JAK2: variants seen among roughly 807,000 people sequenced by gnomAD.
JAK2 encodes the protein tyrosine-protein kinase JAK2.
JAK2 carries 86 observed loss-of-function variants against 139.3 expected under a neutral mutation model. That is an observed-to-expected ratio of 0.62 (90% CI 0.52 to 0.74). JAK2 has a LOEUF of 0.74. Among genes scored for constraint, JAK2 ranks in the 30% least tolerant of loss-of-function variants. JAK2 has a pLI of 0.00. For synonymous variants in JAK2, 490 were observed against 437.7 expected, an observed-to-expected ratio of 1.12 and a Z score of -1.49; for missense variants, 1,421 against 1,360.3, an observed-to-expected ratio of 1.04 and a Z score of -0.70.
chr9:5,064,954 T>A lies in JAK2; in HGVS notation c.1128T>A (p.Thr376=). The part of the protein sequence containing the change: ...VSLIDGYYRL[T]ADAHHYLCKE... ...TAATTGATGGATATTATAGATTAACTGCAGATGCACATCATTACCTCTGTA... is the reference window on the plus strand; with the variant it reads ...TAATTGATGGATATTATAGATTAACAGCAGATGCACATCATTACCTCTGTA... Residue 376 remains threonine (T), a synonymous_variant, in exon 9 of 25, where the codon ACT becomes ACA. Transcript: ENST00000381652. The A allele has an allele frequency of 1.2e-6, 2 of 1,606,442 alleles. No individual in the cohort carries two copies. The highest frequency in any genetic ancestry group is 8.5e-7 in the Non-Finnish European group (1 of 1,174,780).
intron 5 of JAK2, 125 bp from the exon 6 acceptor site, chr9:5,050,561 G>T (rs999616631): frequency 2.1e-6 from 2 of 961,672 alleles, no homozygotes; most frequent in African/African-American, 3.3e-5. Context: ...ATGAGCCACT[G>T]AGCCTGGCCA....
At position 5,126,577 on chromosome 9, in the gene JAK2, C is replaced by G. The variant is rs985155735; in HGVS notation, c.3292-107C>G. On this transcript the variant is annotated intron_variant, in intron 24 of 24. Transcript: ENST00000381652. ...ACAGCATAATCAGATGACTGTGGAA[C>G]AAGGCATGGTTATGACATGTGCCCT... 7.4e-6 allele frequency: 7 copies of G among 943,320 alleles called. No homozygotes were observed. In the African/African-American group the frequency reaches 8.3e-5, roughly 11 times the overall value. The allele number at this position is 943,320 out of a possible 1,614,324, so 58.4% of individuals were successfully genotyped here. A position where few individuals can be genotyped will look rare whatever the true frequency, so the allele number is the denominator to read the frequency against.
chr9:5,061,453 G>T (rs1236407948), intron 8 of JAK2, among the ~76,000 whole-genome samples: 2 of 152,192 alleles, frequency 1.3e-5, no homozygotes, highest in African/African-American at 4.8e-5. Flanking sequence ...AGCATTTGCT[G>T]CTTCACCTTG....
chr9:5,100,562 G>T (rs575956019), intron 22 of JAK2: 1 of 152,158 alleles, frequency 6.6e-6, no homozygotes. Context: ...TAGCCCCAAT[G>T]CCAGAATTAG....
Position 5,077,516 on chromosome 9 carries a change from A to G in JAK2, c.1928A>G (p.Asn643Ser). 6.8e-7 allele frequency: 1 copy of G among 1,462,924 alleles called. No individual in the cohort carries two copies. Among genetic ancestry groups the G allele is most frequent in the Non-Finnish European group, 9.1e-7 (1 of 1,095,096 alleles). The allele number at this position is 1,462,924 out of a possible 1,614,324, so 90.6% of individuals were successfully genotyped here. ...SLDTYLKKNK[N>S]CINILWKLEV... is the part of the protein sequence containing the mutation. ...GATACATATCTGAAAAAGAATAAAA[A>G]TTGTATAAATATATTATGGAAACTT... The change falls in exon 15 of 25, where the codon AAT becomes AGT. Residue 643 changes from asparagine to serine, a missense_variant. Transcript: ENST00000381652.
At chr9:5,051,381 T>A (rs1265829005) in intron 6 of JAK2, among the ~76,000 whole-genome samples, 1 of 152,170 alleles carries the variant, frequency 6.6e-6, no homozygotes, top group Non-Finnish European at 1.5e-5. Flanking sequence ...ATGACCTGAA[T>A]AAGTATTTCC....
chr9:5,113,779 G>A (rs765488029), intron 22 of JAK2: 13 of 164,294 alleles, frequency 7.9e-5, no homozygotes, highest in African/African-American at 1.4e-4. Flanking sequence ...CCTCGGGTGC[G>A]TGGGCCAAAC....
intron 2 of JAK2, among the ~76,000 whole-genome samples, chr9:5,006,951 A>G (rs1205474356): frequency 6.6e-6 from 1 of 152,128 alleles, no homozygotes; most frequent in Non-Finnish European, 1.5e-5. Context: ...ACATGTTTCA[A>G]TATTGTAAGC....
At chr9:5,090,381 T>C (rs1820485511) in intron 20 of JAK2, 65 bp from the exon 21 acceptor site, 1 of 1,184,906 alleles carries the variant, frequency 8.4e-7, no homozygotes, top group Non-Finnish European at 1.1e-6. Context: ...TGTATGATAG[T>C]TTTCTAATAT....
At chr9:5,052,808 T>C (rs574944598) in intron 6 of JAK2, among the ~76,000 whole-genome samples, 2 of 152,226 alleles carry the variant, frequency 1.3e-5, no homozygotes, top group East Asian at 3.9e-4. Context: ...TTCATTCATG[T>C]TGTAGAATGT....
rs543691418 is a variant in JAK2, at chr9:5,104,082, G to A, written c.3059+13171G>A. Among the ~76,000 whole-genome samples the A allele has an allele frequency of 5.4e-3, 825 of 152,234 alleles. 10 individuals carry two copies. The highest frequency in any genetic ancestry group is 0.019 in the African/African-American group (790 of 41,522). ...TAACTAAGATCAGAGCAGAACTGAA[G>A]GAGATAGAGACACAACTCTTCAAAA... On this transcript the variant is annotated intron_variant, in intron 22 of 24. Transcript: ENST00000381652.
chr9:5,081,106 A>G (rs889629606), intron 18 of JAK2, among the ~76,000 whole-genome samples: 6 of 151,940 alleles, frequency 3.9e-5, no homozygotes, highest in East Asian at 1.9e-4. Flanking sequence ...CGTGTTAGCC[A>G]GGATGGTCTC....
At chr9:5,045,952 G>A (rs1011034603) in intron 5 of JAK2, among the ~76,000 whole-genome samples, 5 of 151,966 alleles carry the variant, frequency 3.3e-5, no homozygotes, top group African/African-American at 9.7e-5. Flanking sequence ...TTTTTTTTGA[G>A]GAACTGCTAC....
At chr9:5,062,125 T>C (rs1178867009) in intron 8 of JAK2, among the ~76,000 whole-genome samples, 1 of 152,168 alleles carries the variant, frequency 6.6e-6, no homozygotes, top group African/African-American at 2.4e-5. Context: ...GGTCCACTTA[T>C]ATGCAATTTT....
intron 15 of JAK2, among the ~76,000 whole-genome samples, 184 bp downstream of exon 15, chr9:5,077,764 G>GA (rs1238658708): frequency 6.6e-6 from 1 of 151,860 alleles, no homozygotes; most frequent in Admixed American, 6.6e-5. Flanking sequence ...AATCACTTTT[G>GA]AAAAAAAAGT....
chr9:5,115,122 C>A (rs1287494404), intron 22 of JAK2, among the ~76,000 whole-genome samples: 2 of 152,126 alleles, frequency 1.3e-5, no homozygotes, highest in African/African-American at 4.8e-5. Flanking sequence ...TCAGAGTGAA[C>A]AGGCTACCTA....
chr9:5,129,361 T>C lies in JAK2; in HGVS notation c.*2570T>C, dbSNP rs1256926448. 6.6e-6 allele frequency among the ~76,000 whole-genome samples: 1 copy of C among 152,140 alleles called. No individual in the cohort carries two copies. The highest frequency in any genetic ancestry group is 1.9e-4 in the East Asian group (1 of 5,204). ...ACACCTTGGTTTAGGGATGTTGTGA[T>C]AGCTTACCTTCCAGTTTTTAAGAAA... On this transcript the variant is annotated 3_prime_UTR_variant, in exon 25 of 25. Coordinates refer to ENST00000381652, the MANE Select transcript of JAK2 (RefSeq NM_004972.4).
intron 3 of JAK2, among the ~76,000 whole-genome samples, chr9:5,028,460 C>A (rs1026485337): frequency 1.3e-5 from 2 of 152,156 alleles, no homozygotes; most frequent in African/African-American, 4.8e-5. Context: ...TCAGAATGGT[C>A]AATAAGCATT....
At chr9:5,045,683 A>G (rs1470405231) in intron 5 of JAK2, among the ~76,000 whole-genome samples, 1 of 152,006 alleles carries the variant, frequency 6.6e-6, no homozygotes, top group Non-Finnish European at 1.5e-5. Flanking sequence ...TCCTTTTTTG[A>G]CTGGCTTATT....
Sources: gnomAD v4.1 joint callset for allele counts (sites outside exome capture counted in the v4.1 genomes callset) on GRCh38, gnomAD v4.1.1 for gene constraint, MANE v1.5 for transcripts, NCBI Gene and HGNC (gene_info 2026-07-23, HGNC 2026-07-21) for gene names.